The following C8orf34 variants were observed in gnomAD, a reference collection of about 807,000 sequenced individuals.
C8orf34 encodes the protein uncharacterized protein C8orf34.
In C8orf34, 65 loss-of-function variants were observed where a neutral mutation model predicts 68.3. That is an observed-to-expected ratio of 0.95 (90% CI 0.78 to 1.17). The LOEUF is 1.17. Ranked by LOEUF, C8orf34 falls within the 50% of genes most tolerant of loss-of-function variation. The probability of loss-of-function intolerance (pLI) is 0.00; values close to 1 mark genes in which losing one functional copy is unlikely to be tolerated. For synonymous variants in C8orf34, 244 were observed against 241.2 expected (o/e 1.01, Z -0.11); for missense variants, 664 against 655.4 (o/e 1.01, Z -0.14).
chr8:68,435,586 G>A (rs1275243088), intron 1 of C8orf34, among the ~76,000 whole-genome samples: 2 of 152,174 alleles, frequency 1.3e-5, no homozygotes, highest in Non-Finnish European at 2.9e-5. Flanking sequence ...GGAAGCTGCT[G>A]TGAATCTCTC....
At chr8:68,755,722 C>T (rs981447372) in intron 10 of C8orf34, among the ~76,000 whole-genome samples, 1 of 152,172 alleles carries the variant, frequency 6.6e-6, no homozygotes, top group Non-Finnish European at 1.5e-5. Flanking sequence ...GTATCCTTCA[C>T]ATTCTAAGAA....
intron 9 of C8orf34, among the ~76,000 whole-genome samples, chr8:68,710,385 G>A (rs776306260): frequency 6.6e-6 from 1 of 152,088 alleles, no homozygotes; most frequent in Non-Finnish European, 1.5e-5. Context: ...ACTCATTGCT[G>A]TTGAGGGGGC....
intron 10 of C8orf34, among the ~76,000 whole-genome samples, chr8:68,748,365 CA>C (rs1822577753): frequency 6.8e-6 from 1 of 147,466 alleles, no homozygotes. Flanking sequence ...GCAATGGCAA[CA>C]AAAGCCAAAA....
intron 3 of C8orf34, among the ~76,000 whole-genome samples, chr8:68,453,471 G>A (rs762512393): frequency 6.6e-6 from 1 of 151,844 alleles, no homozygotes; most frequent in African/African-American, 2.4e-5. Flanking sequence ...GTAGTTTTTG[G>A]TGTACAAGAC....
intron 12 of C8orf34, chr8:68,791,660 G>A (rs1037489151): frequency 4.6e-5 from 7 of 152,160 alleles, no homozygotes; most frequent in African/African-American, 1.7e-4. Context: ...CAAAGTCACA[G>A]ATGAAAGCTA....
intron 8 of C8orf34, among the ~76,000 whole-genome samples, chr8:68,648,009 G>A (rs771983858): frequency 5.3e-5 from 8 of 152,170 alleles, no homozygotes; most frequent in Non-Finnish European, 8.8e-5. Flanking sequence ...TAGATCATGA[G>A]TAAAATAAGC....
chr8:68,407,145 C>CTA, intron 1 of C8orf34, among the ~76,000 whole-genome samples: 2 of 151,940 alleles, frequency 1.3e-5, no homozygotes, highest in Middle Eastern at 3.4e-3. Flanking sequence ...ATGTCAGGTT[C>CTA]TATATTACAA....
intron 8 of C8orf34, among the ~76,000 whole-genome samples, chr8:68,664,924 T>C (rs1044957778): frequency 6.6e-6 from 1 of 152,228 alleles, no homozygotes; most frequent in Non-Finnish European, 1.5e-5. Flanking sequence ...AATTAGAGAC[T>C]TTCTAATATA....
At chr8:68,735,298 A>G (rs1822093160) in intron 10 of C8orf34, among the ~76,000 whole-genome samples, 1 of 152,198 alleles carries the variant, frequency 6.6e-6, no homozygotes, top group Non-Finnish European at 1.5e-5. Context: ...TTTGAACATA[A>G]GAATTGCCCT....
intron 3 of C8orf34, among the ~76,000 whole-genome samples, chr8:68,459,615 C>T (rs1323874520): frequency 2.0e-5 from 3 of 152,166 alleles, no homozygotes; most frequent in African/African-American, 7.2e-5. Flanking sequence ...TCTCAAAAAA[C>T]TTAAAATAGA....
At chr8:68,445,609 G>A (rs1811087883) in intron 2 of C8orf34, among the ~76,000 whole-genome samples, 1 of 152,064 alleles carries the variant, frequency 6.6e-6, no homozygotes, top group South Asian at 2.1e-4. Context: ...TGCAAGAGAA[G>A]ATAAATTGAT....
chr8:68,726,356 C>T (rs540270255), intron 10 of C8orf34, among the ~76,000 whole-genome samples: 37 of 152,066 alleles, frequency 2.4e-4, no homozygotes, highest in Admixed American at 1.2e-3. Flanking sequence ...TCAGGTTTTT[C>T]GGAATTGGAG....
At chr8:68,448,200 T>C (rs1257820977) in intron 3 of C8orf34, among the ~76,000 whole-genome samples, 1 of 152,176 alleles carries the variant, frequency 6.6e-6, no homozygotes, top group African/African-American at 2.4e-5. Flanking sequence ...CTGTGTTCTT[T>C]GTAGGATGCT....
At chr8:68,498,071 A>T (rs1586262962) in intron 5 of C8orf34, among the ~76,000 whole-genome samples, 1 of 151,990 alleles carries the variant, frequency 6.6e-6, no homozygotes. Flanking sequence ...CAGGTGATCC[A>T]CCTGCCTCAG....
At chr8:68,753,010 T>G (rs1822752254) in intron 10 of C8orf34, among the ~76,000 whole-genome samples, 2 of 152,186 alleles carry the variant, frequency 1.3e-5, no homozygotes, top group African/African-American at 2.4e-5. Context: ...TTCCTCCCAA[T>G]CCACCAGAAA....
chr8:68,635,720 A>G (rs149636361), intron 7 of C8orf34, among the ~76,000 whole-genome samples: 5 of 152,192 alleles, frequency 3.3e-5, no homozygotes, highest in African/African-American at 7.2e-5. Flanking sequence ...GGGTAATCAC[A>G]TCTCCTACAC....
chr8:68,458,794 G>C lies in C8orf34; in HGVS notation c.608-9898G>C, dbSNP rs143281899. Among the ~76,000 whole-genome samples, 326 of 152,302 alleles carry C rather than the reference G, an allele frequency of 2.1e-3. 1 individual carries two copies. The highest frequency in any genetic ancestry group is 7.0e-3 in the African/African-American group (293 of 41,562). On this transcript the variant is annotated intron_variant, in intron 3 of 13. Coordinates refer to ENST00000518698, the MANE Select transcript of C8orf34 (RefSeq NM_052958.4). The stretch of plus-strand genomic sequence containing the variant: ...TCTACTCTCTGCTGCTAGCACACTG[G>C]CATGTTAGTAATTTTAGCTGATATC...
intron 4 of C8orf34, 61 bp downstream of exon 4, chr8:68,468,881 A>G: frequency 6.5e-7 from 1 of 1,545,576 alleles, no homozygotes; most frequent in South Asian, 1.2e-5. Context: ...CGAAGCATTC[A>G]TTACTTGTGC....
intron 10 of C8orf34, among the ~76,000 whole-genome samples, chr8:68,734,585 T>C (rs541217101): frequency 6.6e-6 from 1 of 152,212 alleles, no homozygotes; most frequent in Non-Finnish European, 1.5e-5. Flanking sequence ...TCCATTCCTG[T>C]CTTCTGGCCA....
Sources: gnomAD v4.1 joint callset for allele counts (sites outside exome capture counted in the v4.1 genomes callset) on GRCh38, gnomAD v4.1.1 for gene constraint, MANE v1.5 for transcripts, NCBI Gene and HGNC (gene_info 2026-07-23, HGNC 2026-07-21) for gene names.